The following HDAC8 variants were observed in gnomAD, a reference collection of about 807,000 sequenced individuals.
The protein encoded by HDAC8 is histone deacetylase 8, also known as histone deacetylase-like 1.
Under a neutral mutation model 32.2 loss-of-function variants are expected in HDAC8, and 1 was observed. The observed-to-expected ratio is 0.03, with a 90% CI of 0.01 to 0.15. The LOEUF is 0.15. Among genes scored for constraint, HDAC8 ranks in the 10% least tolerant of loss-of-function variants. The pLI is 1.00. For missense variants in HDAC8, 117 were observed against 300.0 expected, an observed-to-expected ratio of 0.39 and a Z score of 4.51; for synonymous variants, 108 against 113.9, an observed-to-expected ratio of 0.95 and a Z score of 0.33.
chrX:72,413,363 C>T (rs782069154), intron 9 of HDAC8, among the ~76,000 whole-genome samples: 9 of 100,348 alleles, frequency 9.0e-5, no homozygotes, highest in East Asian at 6.6e-4. Flanking sequence ...TGAGAACATG[C>T]GCCACGTGGC....
chrX:72,489,737 C>A (rs1193985496), intron 6 of HDAC8, among the ~76,000 whole-genome samples: 2 of 110,733 alleles, frequency 1.8e-5, no homozygotes, highest in Non-Finnish European at 3.8e-5. Context: ...GCAACAAAAG[C>A]CAAAATTGAC....
Position 72,572,044 on chromosome X carries a change from A to T in HDAC8, c.164+13T>A. ...ACCTAGCTTCAGGGCTATGTTCAAG[A>T]AAGACAACTTACCTCATCTGCTTAT... On this transcript the variant is annotated intron_variant, in intron 2 of 10. Transcript: ENST00000373573. 1 of 1,185,123 alleles carries T rather than the reference A, an allele frequency of 8.4e-7. No homozygotes were observed. Among genetic ancestry groups the T allele is most frequent in the Non-Finnish European group, 1.1e-6 (1 of 882,226 alleles).
At chrX:72,471,765 G>T (rs1253258362) in intron 7 of HDAC8, among the ~76,000 whole-genome samples, 1 of 111,823 alleles carries the variant, frequency 8.9e-6, no homozygotes, top group African/African-American at 3.2e-5. Context: ...TCAGACACAT[G>T]ATTTGCAAAT....
chrX:72,408,276 C>T (rs1555969220), intron 9 of HDAC8, among the ~76,000 whole-genome samples: 1 of 111,360 alleles, frequency 9.0e-6, no homozygotes, highest in African/African-American at 3.3e-5. Flanking sequence ...GCCAGGGAAG[C>T]GAGGATAGTC....
intron 9 of HDAC8, among the ~76,000 whole-genome samples, chrX:72,451,910 G>T (rs1555987542): frequency 1.8e-5 from 2 of 112,373 alleles, no homozygotes; most frequent in East Asian, 5.6e-4. Flanking sequence ...CTGGACTGTG[G>T]TGTAGGAAGG....
At chrX:72,419,555 C>G (rs2046430587) in intron 9 of HDAC8, among the ~76,000 whole-genome samples, 1 of 111,307 alleles carries the variant, frequency 9.0e-6, no homozygotes, top group African/African-American at 3.3e-5. Context: ...AAAAGACAAC[C>G]TACAGGATGG....
intron 9 of HDAC8, among the ~76,000 whole-genome samples, chrX:72,457,024 C>G (rs2047738835): frequency 9.0e-6 from 1 of 111,037 alleles, no homozygotes; most frequent in African/African-American, 3.3e-5. Flanking sequence ...ATAACATGAC[C>G]AAGCAGGGTT....
intron 4 of HDAC8, among the ~76,000 whole-genome samples, chrX:72,545,526 C>T (rs1450614797): frequency 1.8e-5 from 2 of 111,522 alleles, no homozygotes; most frequent in Non-Finnish European, 3.8e-5. Flanking sequence ...GCTGGGATTC[C>T]CTGTGCCACA....
intron 9 of HDAC8, among the ~76,000 whole-genome samples, chrX:72,434,182 C>T (rs1380139759): frequency 8.9e-6 from 1 of 111,909 alleles, no homozygotes; most frequent in African/African-American, 3.2e-5. Flanking sequence ...GACTCTACTA[C>T]TTTACTAGTT....
intron 9 of HDAC8, among the ~76,000 whole-genome samples, chrX:72,385,624 C>G (rs782066485): frequency 8.9e-6 from 1 of 111,881 alleles, no homozygotes; most frequent in South Asian, 3.7e-4. Context: ...AAAAGGTCTA[C>G]TCTCAAATTT....
intron 4 of HDAC8, among the ~76,000 whole-genome samples, chrX:72,525,669 CCGGGCGTTGTGG>C (rs1430507725): frequency 9.2e-6 from 1 of 108,133 alleles, no homozygotes; most frequent in Non-Finnish European, 1.9e-5. Flanking sequence ...AAAAAATTAG[CCGGGCGTTGTGG>C]CGGGCGCCCG....
intron 9 of HDAC8, among the ~76,000 whole-genome samples, chrX:72,431,213 A>C (rs924556289): frequency 4.5e-5 from 5 of 111,653 alleles, no homozygotes; most frequent in Non-Finnish European, 9.4e-5. Flanking sequence ...CTCCAAGTCA[A>C]CACCACCTCC....
chrX:72,337,541 T>G (rs1302232587), intron 10 of HDAC8, among the ~76,000 whole-genome samples: 2 of 110,908 alleles, frequency 1.8e-5, no homozygotes, highest in Non-Finnish European at 3.8e-5. Flanking sequence ...CCAAAATAGA[T>G]TCCAAATCTA....
At chrX:72,562,982 A>G (rs782106245) in intron 4 of HDAC8, among the ~76,000 whole-genome samples, 1 of 107,954 alleles carries the variant, frequency 9.3e-6, no homozygotes, top group South Asian at 4.2e-4. Context: ...CCTGGGTTCA[A>G]GCGATTCTCC....
chrX:72,396,563 A>G (rs2045769169), intron 9 of HDAC8, among the ~76,000 whole-genome samples: 2 of 112,566 alleles, frequency 1.8e-5, no homozygotes, highest in African/African-American at 6.5e-5. Flanking sequence ...ATACATTGTG[A>G]AAGGATTAAA....
At chrX:72,461,161 C>T (rs2047857302) in intron 9 of HDAC8, among the ~76,000 whole-genome samples, 1 of 112,110 alleles carries the variant, frequency 8.9e-6, no homozygotes, top group Admixed American at 9.5e-5. Flanking sequence ...ATCCCTAATC[C>T]TTGGGAAATA....
intron 9 of HDAC8, among the ~76,000 whole-genome samples, chrX:72,421,596 T>A (rs1224215989): frequency 8.9e-6 from 1 of 112,744 alleles, no homozygotes; most frequent in Non-Finnish European, 1.9e-5. Flanking sequence ...TTGTCACAGA[T>A]CATATATTTA....
rs73624232 is a variant in HDAC8 at position 72,347,297 on chromosome X, G to C, written c.1111+4436C>G. On this transcript the variant is annotated intron_variant, in intron 10 of 10. Coordinates refer to ENST00000373573, the MANE Select transcript of HDAC8 (RefSeq NM_018486.3). ...AGGCTCCTTCAGTAAGGGGAAGAAA[G>C]GGCAGATGCATGCAAGGCCTTTTTC... 6.0e-3 allele frequency among the ~76,000 whole-genome samples: 671 copies of C among 111,776 alleles called. 6 individuals are homozygous for C. Among genetic ancestry groups the C allele is most frequent in the African/African-American group, 0.02 (615 of 30,698 alleles).
At chrX:72,468,617 A>T in intron 7 of HDAC8, among the ~76,000 whole-genome samples, 1 of 111,403 alleles carries the variant, frequency 9.0e-6, no homozygotes, top group Non-Finnish European at 1.9e-5. Context: ...CCTCGTTCAC[A>T]ATTTTTCTCA....
Sources: allele counts gnomAD v4.1 joint callset (sites outside exome capture counted in the v4.1 genomes callset), GRCh38; gene constraint gnomAD v4.1.1; transcripts MANE v1.5; gene names NCBI Gene and HGNC (gene_info 2026-07-23, HGNC 2026-07-21).